KAT2B: variants seen among roughly 807,000 people sequenced by gnomAD.
KAT2B encodes the protein histone acetyltransferase KAT2B.
KAT2B carries 36 observed loss-of-function variants against 105.9 expected under a neutral mutation model. That is an observed-to-expected ratio of 0.34 (90% CI 0.26 to 0.45). The LOEUF (loss-of-function observed/expected upper bound fraction) is 0.45, where lower values mean the gene tolerates loss of function less well. KAT2B is among the 20% of genes least tolerant of loss of function. KAT2B has a pLI of 1.00. For synonymous variants in KAT2B, 397 were observed against 377.9 expected (o/e 1.05, Z -0.59); for missense variants, 820 against 1,021.6 (o/e 0.80, Z 2.69).
chr3:20,114,378 A>G (rs1300392224), intron 6 of KAT2B, among the ~76,000 whole-genome samples: 1 of 152,218 alleles, frequency 6.6e-6, no homozygotes, highest in Admixed American at 6.5e-5. Flanking sequence ...ATATACATCA[A>G]CCACTTACAA....
chr3:20,130,885 GTTTT>G (rs1699498367), intron 11 of KAT2B, among the ~76,000 whole-genome samples: 1 of 151,056 alleles, frequency 6.6e-6, no homozygotes. Context: ...GCATGTGTGT[GTTTT>G]TTAATGGTAA....
chr3:20,136,090 A>G (rs1210390390), intron 11 of KAT2B, among the ~76,000 whole-genome samples: 1 of 152,218 alleles, frequency 6.6e-6, no homozygotes, highest in East Asian at 1.9e-4. Context: ...ACCTTGAGGT[A>G]CTGTGATTCC....
chr3:20,146,980 T>C (rs1193009554), intron 14 of KAT2B, among the ~76,000 whole-genome samples: 1 of 152,216 alleles, frequency 6.6e-6, no homozygotes, highest in African/African-American at 2.4e-5. Flanking sequence ...TTGTTTCATA[T>C]TCCCTATTTT....
chr3:20,125,462 T>A (rs1699384992), intron 9 of KAT2B, among the ~76,000 whole-genome samples: 3 of 152,214 alleles, frequency 2.0e-5, no homozygotes, highest in Non-Finnish European at 4.4e-5. Context: ...CCACATTTTG[T>A]CTGCTTACTG....
At chr3:20,141,989 G>T (rs1010778256) in intron 13 of KAT2B, among the ~76,000 whole-genome samples, 24 of 152,180 alleles carry the variant, frequency 1.6e-4, no homozygotes, top group African/African-American at 5.3e-4. Context: ...GCAGCACATC[G>T]TTCCGCATTA....
chr3:20,115,252 A>G (rs552844014), intron 7 of KAT2B, among the ~76,000 whole-genome samples: 2 of 152,326 alleles, frequency 1.3e-5, no homozygotes, highest in African/African-American at 2.4e-5. Flanking sequence ...AGTGAGTGAA[A>G]GCGGCAGTCT....
intron 8 of KAT2B, 124 bp from the exon 9 acceptor site, chr3:20,122,544 C>A: frequency 1.5e-6 from 1 of 653,166 alleles, no homozygotes; most frequent in Non-Finnish European, 2.6e-6. Context: ...TCACCCCTTC[C>A]CCTGGTGGTA....
At chr3:20,085,692 G>A (rs565132184) in intron 2 of KAT2B, among the ~76,000 whole-genome samples, 1 of 151,884 alleles carries the variant, frequency 6.6e-6, no homozygotes, top group Admixed American at 6.6e-5. Flanking sequence ...TGTGTTTTTA[G>A]TAGAGACAGG....
At chr3:20,150,889 G>T (rs1699858743) in intron 17 of KAT2B, among the ~76,000 whole-genome samples, 1 of 151,908 alleles carries the variant, frequency 6.6e-6, no homozygotes, top group South Asian at 2.1e-4. Flanking sequence ...CTTTTTGGGG[G>T]GTACATGTTT....
rs749339385 is a variant in KAT2B, at chr3:20,125,889, G to T, written c.1414-16G>T. The T allele has an allele frequency of 6.2e-7, 1 of 1,610,642 alleles. No individual in the cohort carries two copies. The highest frequency in any genetic ancestry group is 2.2e-5 in the East Asian group (1 of 44,874). On this transcript the variant is annotated splice_polypyrimidine_tract_variant and intron_variant, in intron 9 of 17. Coordinates refer to ENST00000263754, the MANE Select transcript of KAT2B (RefSeq NM_003884.5). Reference sequence around the variant, plus strand: ...GAATAGCTCTGTGTAATTTTTTCCTGTCTCTTGCATCTCAGACCAATTTTC... The same window carrying T: ...GAATAGCTCTGTGTAATTTTTTCCTTTCTCTTGCATCTCAGACCAATTTTC...
At chr3:20,130,868 T>TGTGG (rs766330079) in intron 11 of KAT2B, among the ~76,000 whole-genome samples, 2 of 151,672 alleles carry the variant, frequency 1.3e-5, no homozygotes, top group Non-Finnish European at 2.9e-5. Flanking sequence ...TGTGTGTGTG[T>TGTGG]GTGCGTGCAT....
intron 1 of KAT2B, among the ~76,000 whole-genome samples, chr3:20,050,348 A>G (rs753357728): frequency 1.3e-5 from 2 of 152,172 alleles, no homozygotes; most frequent in African/African-American, 2.4e-5. Flanking sequence ...TTATAGCGCA[A>G]TTAATTTTTA....
chr3:20,104,783 A>G (rs550306113), intron 5 of KAT2B, among the ~76,000 whole-genome samples: 1 of 152,362 alleles, frequency 6.6e-6, no homozygotes, highest in Non-Finnish European at 1.5e-5. Context: ...ACTTGTAAAT[A>G]TTTATTCCAT....
intron 9 of KAT2B, among the ~76,000 whole-genome samples, chr3:20,125,413 T>C (rs1246953959): frequency 6.6e-6 from 1 of 152,064 alleles, no homozygotes; most frequent in African/African-American, 2.4e-5. Context: ...CTGGAGAGGA[T>C]TCCTTGAAGC....
chr3:20,123,106 A>G, intron 9 of KAT2B: 1 of 244,364 alleles, frequency 4.1e-6, no homozygotes, highest in Non-Finnish European at 6.6e-6. Context: ...TGTAATAAAA[A>G]TCCATAGACT....
intron 1 of KAT2B, among the ~76,000 whole-genome samples, chr3:20,051,281 G>A (rs1487775997): frequency 6.6e-6 from 1 of 151,686 alleles, no homozygotes; most frequent in Non-Finnish European, 1.5e-5. Flanking sequence ...GAATATGAAA[G>A]GAAGAGAGGT....
intron 7 of KAT2B, among the ~76,000 whole-genome samples, chr3:20,117,173 C>T (rs988256427): frequency 9.9e-5 from 15 of 152,122 alleles, no homozygotes; most frequent in Admixed American, 6.6e-4. Flanking sequence ...TGTCATAGTA[C>T]AGGATGGAGA....
At chr3:20,044,794 T>C (rs1313980603) in intron 1 of KAT2B, among the ~76,000 whole-genome samples, 2 of 152,192 alleles carry the variant, frequency 1.3e-5, no homozygotes, top group Non-Finnish European at 2.9e-5. Flanking sequence ...TTTTTATGAT[T>C]TGTATGATTA....
At chr3:20,098,902 T>G (rs1035822517) in intron 3 of KAT2B, among the ~76,000 whole-genome samples, 3 of 152,142 alleles carry the variant, frequency 2.0e-5, no homozygotes, top group Non-Finnish European at 4.4e-5. Flanking sequence ...TCTTCAATCT[T>G]GGTGGTTCAT....
Sources: allele counts gnomAD v4.1 joint callset (sites outside exome capture counted in the v4.1 genomes callset), GRCh38; gene constraint gnomAD v4.1.1; transcripts MANE v1.5; gene names NCBI Gene and HGNC (gene_info 2026-07-23, HGNC 2026-07-21).